AP1G2: variants seen among roughly 807,000 people sequenced by gnomAD.
AP1G2 encodes AP-1 complex subunit gamma-like 2.
Under a neutral mutation model 95.8 loss-of-function variants are expected in AP1G2, and 85 were observed. The ratio of observed to expected loss-of-function variants is 0.89; its 90% CI spans 0.74 to 1.06. The LOEUF is 1.06. Among genes scored for constraint, AP1G2 ranks in the 50% least tolerant of loss-of-function variants. AP1G2 has a pLI of 0.00. For synonymous variants in AP1G2, 378 were observed against 400.0 expected (o/e 0.94, Z 0.66); for missense variants, 967 against 1,005.8 (o/e 0.96, Z 0.52).
rs1199337431 is a variant in AP1G2 at position 23,561,505 on chromosome 14, T to G, written c.1857+7A>C. The G allele has an allele frequency of 5.0e-6, 8 of 1,614,060 alleles. No homozygotes were observed. The African/African-American group carries it at 6.7e-5, about 13-fold the overall frequency. ...TCTTCCTACCCCAGAGTTTCTAGCCTTCTCACCTGGGGCTCTGTGGGCACT... is the reference window on the plus strand; with the variant it reads ...TCTTCCTACCCCAGAGTTTCTAGCCGTCTCACCTGGGGCTCTGTGGGCACT... On this transcript the variant is annotated splice_region_variant and intron_variant, in intron 18 of 21. Transcript: ENST00000397120.
At position 23,564,343 on chromosome 14, in the gene AP1G2, T is replaced by C; in HGVS notation, c.967A>G (p.Arg323Gly). ...AGTTGGGACTATTACCTAATGTTCC[T>C]GTCACTGTTGAGTAGGAAGCGACCA... ...ILGRFLLNSD[R>G]NIRYVALTSL... The change falls in exon 10 of 22, where the codon AGG becomes GGG. Residue 323 changes from arginine (R) to glycine (G), a missense_variant. Transcript: ENST00000397120. 2.5e-6 allele frequency: 4 copies of C among 1,614,212 alleles called. No homozygotes were observed. The highest frequency in any genetic ancestry group is 1.1e-5 in the South Asian group (1 of 91,088).
chr14:23,567,141 G>T lies in AP1G2; in HGVS notation c.174C>A (p.His58Gln). Residue 58 changes from histidine to glutamine, a missense_variant, in exon 2 of 22, where the codon CAC (histidine) becomes CAA (glutamine). Transcript: ENST00000397120. This position sits in a 1 kb window ranked among gnomAD's most constrained non-coding sequence, Gnocchi z 5.3. Reference protein sequence around the residue: ...HRQLAKLLYVHMLGYPAHFGQ... With the variant: ...HRQLAKLLYVQMLGYPAHFGQ... ...CAAAGTGGGCGGGGTAGCCCAACAT[G>T]TGGACGTAGAGCAGTTTGGCCAGCT... The T allele has an allele frequency of 6.2e-7, 1 of 1,611,924 alleles. No homozygotes were observed. The highest frequency in any genetic ancestry group is 2.2e-5 in the East Asian group (1 of 44,824).
At chr14:23,561,778 T>C in intron 17 of AP1G2, 143 bp from the exon 18 acceptor site, 2 of 1,467,336 alleles carry the variant, frequency 1.4e-6, no homozygotes, top group South Asian at 1.4e-5. Flanking sequence ...TGACATGTTG[T>C]TGCTGATTTT....
rs759890301 is a variant in AP1G2, at chr14:23,560,297, C to A, written c.2115G>T (p.Glu705Asp). 1 of 1,614,046 alleles carries A rather than the reference C, an allele frequency of 6.2e-7. No individual in the cohort carries two copies. Among genetic ancestry groups the A allele is most frequent in the Non-Finnish European group, 8.5e-7 (1 of 1,180,034 alleles). ...LITITATNFS[E>D]GDVTHFICQA... ...GGCAGATGAAATGGGTGACATCACCCTCTGAGAAGTTGGTGGCAGTGATGG... is the reference window on the plus strand; with the variant it reads ...GGCAGATGAAATGGGTGACATCACCATCTGAGAAGTTGGTGGCAGTGATGG... Residue 705 changes from glutamate to aspartate, a missense_variant, in exon 20 of 22, where the codon GAG becomes GAT. Glu to Asp is a conservative substitution (Grantham distance 45, BLOSUM62 2). Coordinates refer to ENST00000397120, the MANE Select transcript of AP1G2 (RefSeq NM_003917.5).
At chr14:23,565,220 G>A in intron 7 of AP1G2, 21 bp from the exon 8 acceptor site, 1 of 1,612,304 alleles carries the variant, frequency 6.2e-7, no homozygotes, top group Non-Finnish European at 8.5e-7. Flanking sequence ...GTTGAAAATG[G>A]AAAGTTGGAG....
At chr14:23,562,723 C>T (rs1285722423) in intron 14 of AP1G2, 130 bp from the exon 15 acceptor site, 4 of 775,252 alleles carry the variant, frequency 5.2e-6, no homozygotes, top group East Asian at 2.8e-5. Flanking sequence ...GGCAACAAAG[C>T]GAGACCCCCC....
rs138055024 is a variant in AP1G2, at chr14:23,563,809, C to T, written c.1139G>A (p.Arg380Gln). 394 of 1,614,148 alleles carry T rather than the reference C, an allele frequency of 2.4e-4. No individual in the cohort carries two copies. Among genetic ancestry groups the T allele is most frequent in the Non-Finnish European group, 3.2e-4 (374 of 1,180,028 alleles). Reference protein sequence around the residue: ...SLALVNSSNVRAMMQELQAFL... With the variant: ...SLALVNSSNVQAMMQELQAFL... The stretch of plus-strand genomic sequence containing the variant: ...GGCCTGCAGCTCTTGCATCATGGCT[C>T]GCACATTGGAGCTATTTACCAGAGC... Residue 380 changes from arginine (R) to glutamine (Q), a missense_variant, in exon 12 of 22, where the codon CGA becomes CAA. Coordinates refer to ENST00000397120, the MANE Select transcript of AP1G2 (RefSeq NM_003917.5).
intron 14 of AP1G2, chr14:23,562,830 T>C: frequency 1.7e-6 from 1 of 577,822 alleles, no homozygotes; most frequent in Non-Finnish European, 3.0e-6. Flanking sequence ...GACCTGGCAA[T>C]ATCCCTTTAG....
At position 23,559,598 on chromosome 14, in the gene AP1G2, CTTTA is replaced by C; in HGVS notation, c.*147_*150del. 1 of 663,840 alleles carries C rather than the reference CTTTA, an allele frequency of 1.5e-6. No individual in the cohort carries two copies. 41.1% of individuals were successfully genotyped at this position (663,840 alleles called of 1,614,324 possible). On this transcript the variant is annotated 3_prime_UTR_variant, in exon 22 of 22. Coordinates refer to ENST00000397120, the MANE Select transcript of AP1G2 (RefSeq NM_003917.5). The stretch of plus-strand genomic sequence containing the variant: ...TCCTCACTTCTCAGGCTTTATTGGG[CTTTA>C]TTTGTGGGAGAAGGGGGCTGGTCCC...
chr14:23,563,166 G>C (rs1247388781), intron 14 of AP1G2: 1 of 1,427,398 alleles, frequency 7.0e-7, no homozygotes, highest in African/African-American at 1.4e-5. Flanking sequence ...CATAAGGGAA[G>C]TTAGTCATCT....
At position 23,559,707 on chromosome 14, in the gene AP1G2, G is replaced by A; in HGVS notation, c.*42C>T. ...GTTCGAAGCTGCTGGGGCCCCCTGG[G>A]GTTTGGGACACAGGAGAATTTCAGG... On this transcript the variant is annotated 3_prime_UTR_variant, in exon 22 of 22. Transcript: ENST00000397120. The A allele has an allele frequency of 1.9e-6, 3 of 1,600,808 alleles. No individual in the cohort carries two copies. Among genetic ancestry groups the A allele is most frequent in the Admixed American group, 1.7e-5 (1 of 59,256 alleles).
intron 11 of AP1G2, 77 bp from the exon 12 acceptor site, chr14:23,563,933 G>A: frequency 6.3e-7 from 1 of 1,599,248 alleles, no homozygotes; most frequent in Non-Finnish European, 8.5e-7. Flanking sequence ...GCTTCCCCAG[G>A]GACCTGTCCC....
rs1299535596 is a variant in AP1G2, at chr14:23,565,867, C to T, written c.594G>A (p.Leu198=). The change falls in exon 6 of 22, where the codon CTG becomes CTA. Residue 198 remains leucine (L), a synonymous_variant. Transcript: ENST00000397120. ...HHGILLGTIT[L]ITELCERSPA... ...GGCTTCGTTCGCAGAGCTCCGTGAT[C>T]AGCGTGATGGTGCCCAGCAGGATGC... 3.8e-6 allele frequency: 6 copies of T among 1,579,532 alleles called. No individual in the cohort carries two copies. The highest frequency in any genetic ancestry group is 1.7e-4 in the Middle Eastern group (1 of 5,956).
chr14:23,565,906 C>A lies in AP1G2; in HGVS notation c.569-14G>T. 2 of 1,596,280 alleles carry A rather than the reference C, an allele frequency of 1.3e-6. No homozygotes were observed. On this transcript the variant is annotated splice_polypyrimidine_tract_variant and intron_variant, in intron 5 of 21. Transcript: ENST00000397120. ...CCAGCAGGATGCCTGGGGTCAGCGT[C>A]GGGGAAGTGAATGGTGGGGGCCAGG...
chr14:23,560,154 G>T, intron 20 of AP1G2, 101 bp downstream of exon 20: 1 of 1,493,774 alleles, frequency 6.7e-7, no homozygotes, highest in Non-Finnish European at 9.2e-7. Flanking sequence ...ATCTCCAGAT[G>T]ACTCAATCCC....
rs1329583991 is a variant in AP1G2, at chr14:23,567,546, G to A, written c.-6+193C>T. On this transcript the variant is annotated intron_variant, in intron 1 of 21. Transcript: ENST00000397120. The surrounding 1 kb of genome is among the most constrained non-coding windows in gnomAD (Gnocchi z 5.3). ...CACCCCACCGGCGCCCCTTCCTATT[G>A]AGCATGCGCGGGAGCCCCACCTATT... The A allele has an allele frequency of 1.3e-5, 17 of 1,331,096 alleles. No individual in the cohort carries two copies. Among genetic ancestry groups the A allele is most frequent in the Non-Finnish European group, 1.5e-5 (16 of 1,047,306 alleles). 82.5% of individuals were successfully genotyped at this position (1,331,096 alleles called of 1,614,324 possible).
chr14:23,564,464 G>A (rs1036859388), intron 9 of AP1G2, 76 bp from the exon 10 acceptor site: 252 of 1,600,396 alleles, frequency 1.6e-4, no homozygotes, highest in Non-Finnish European at 6.8e-5. Flanking sequence ...ACACATTGGC[G>A]CAAGATGATG....
intron 8 of AP1G2, 187 bp downstream of exon 8, chr14:23,564,932 G>C (rs894694647): frequency 1.5e-6 from 1 of 662,610 alleles, no homozygotes; most frequent in African/African-American, 1.8e-5. Context: ...CTATGTGCCA[G>C]GGCCAGCCTG....
At chr14:23,561,462 G>C (rs1884617847) in intron 18 of AP1G2, 31 bp from the exon 19 acceptor site, 1 of 1,613,844 alleles carries the variant, frequency 6.2e-7, no homozygotes, top group Admixed American at 1.7e-5. Context: ...GGCAGGGCTG[G>C]GTATGAAGCT....
Sources: allele counts gnomAD v4.1 joint callset, GRCh38; gene constraint gnomAD v4.1.1; non-coding constraint Gnocchi (gnomAD v3.1); transcripts MANE v1.5; gene names NCBI Gene and HGNC (gene_info 2026-07-23, HGNC 2026-07-21).